Variants in EIF4G3 observed in about 807,000 individuals in gnomAD.
EIF4G3 encodes the protein eukaryotic translation initiation factor 4 gamma 3.
A neutral mutation model predicts 186.4 loss-of-function variants in EIF4G3; 34 were observed. The observed-to-expected ratio is 0.18, with a 90% CI of 0.14 to 0.24. EIF4G3 has a LOEUF of 0.24. Ranked by LOEUF, EIF4G3 falls within the 10% of genes least tolerant of loss-of-function variation. The pLI is 1.00. For synonymous variants in EIF4G3, 673 were observed against 679.5 expected, an observed-to-expected ratio of 0.99 and a Z score of 0.15; for missense variants, 1,536 against 1,948.5, an observed-to-expected ratio of 0.79 and a Z score of 3.99.
chr1:21,035,649 G>C (rs2093132870), intron 4 of EIF4G3, among the ~76,000 whole-genome samples: 1 of 152,268 alleles, frequency 6.6e-6, no homozygotes, highest in East Asian at 1.9e-4. Flanking sequence ...AAAGACCACA[G>C]GAGAGTGGCC....
intron 2 of EIF4G3, among the ~76,000 whole-genome samples, chr1:21,147,051 A>G (rs1481743686): frequency 6.6e-6 from 1 of 151,984 alleles, no homozygotes; most frequent in African/African-American, 2.4e-5. Flanking sequence ...TCACGAGGTC[A>G]GGAGTTCAAG....
At chr1:21,106,066 CTTT>C (rs1048552858) in intron 2 of EIF4G3, among the ~76,000 whole-genome samples, 3 of 132,314 alleles carry the variant, frequency 2.3e-5, no homozygotes, top group African/African-American at 2.8e-5. Flanking sequence ...GACCCTGTCT[CTTT>C]TTTTTTTTTT....
chr1:21,075,570 C>CAAAAAAAAAAAAAAAAA lies in EIF4G3; in HGVS notation c.-196+13551_-196+13567dup, dbSNP rs55649192. The stretch of plus-strand genomic sequence containing the variant: ...GGCAACAGAGTGAGACTCCAACTCA[C>CAAAAAAAAAAAAAAAAA]AAAAAAAAAAAAAAAAAAAAAAAAA... On this transcript the variant is annotated intron_variant, in intron 3 of 36. Coordinates refer to ENST00000602326, the MANE Select transcript of EIF4G3 (RefSeq NM_001391906.1). Among the ~76,000 whole-genome samples the CAAAAAAAAAAAAAAAAA allele has an allele frequency of 5.0e-4, 26 of 51,554 alleles. 1 individual carries two copies. The highest frequency in any genetic ancestry group is 8.8e-4 in the Admixed American group (3 of 3,422). The allele number at this position is 51,554 out of a possible 152,430, so 33.8% of individuals were successfully genotyped here.
intron 14 of EIF4G3, among the ~76,000 whole-genome samples, chr1:20,908,943 A>C (rs1326130083): frequency 6.6e-6 from 1 of 152,156 alleles, no homozygotes; most frequent in Non-Finnish European, 1.5e-5. Context: ...TGAGGTCAAG[A>C]GTTCGAGACC....
At chr1:20,891,789 C>CAA (rs59789920) in intron 18 of EIF4G3, among the ~76,000 whole-genome samples, 4 of 99,900 alleles carry the variant, frequency 4.0e-5, no homozygotes, top group South Asian at 3.0e-4. Flanking sequence ...CACTCTGTCT[C>CAA]AAAAAAAAAA....
intron 34 of EIF4G3, among the ~76,000 whole-genome samples, chr1:20,816,094 G>T (rs1356581672): frequency 7.5e-6 from 1 of 132,982 alleles, no homozygotes; most frequent in African/African-American, 2.8e-5. Flanking sequence ...GTCCGGAAGG[G>T]AGGTGGGGGG....
intron 2 of EIF4G3, among the ~76,000 whole-genome samples, chr1:21,163,366 A>G (rs1290443490): frequency 6.6e-6 from 1 of 152,220 alleles, no homozygotes; most frequent in South Asian, 2.1e-4. Context: ...TATTTCTGAA[A>G]AAGATCAACA....
intron 2 of EIF4G3, among the ~76,000 whole-genome samples, chr1:21,159,431 TAAAA>T (rs71014164): frequency 1.6e-5 from 2 of 122,510 alleles, no homozygotes; most frequent in Non-Finnish European, 3.4e-5. Context: ...AGCAAGGGTT[TAAAA>T]AAAAAAAAAA....
chr1:21,124,163 C>T (rs992799522), intron 2 of EIF4G3, among the ~76,000 whole-genome samples: 1 of 151,872 alleles, frequency 6.6e-6, no homozygotes, highest in African/African-American at 2.4e-5. Flanking sequence ...TGGTCGTGGG[C>T]GCCTGTAATC....
intron 2 of EIF4G3, among the ~76,000 whole-genome samples, chr1:21,155,824 C>T (rs1370108196): frequency 6.6e-6 from 1 of 152,020 alleles, no homozygotes; most frequent in African/African-American, 2.4e-5. Flanking sequence ...TAATTTTAGA[C>T]TTGTAAAGAA....
At chr1:21,006,821 CAT>C (rs963158262) in intron 4 of EIF4G3, among the ~76,000 whole-genome samples, 4 of 152,138 alleles carry the variant, frequency 2.6e-5, no homozygotes, top group Admixed American at 6.5e-5. Flanking sequence ...AAACCATAGA[CAT>C]GTGAAAAAAT....
At position 21,017,021 on chromosome 1, in the gene EIF4G3, T is replaced by C. The variant is rs78685665; in HGVS notation, c.-66-14213A>G. 7.9e-5 allele frequency among the ~76,000 whole-genome samples: 12 copies of C among 152,220 alleles called. No homozygotes were observed. The East Asian group carries it at 2.3e-3, about 29-fold the overall frequency. On this transcript the variant is annotated intron_variant, in intron 4 of 36. Transcript: ENST00000602326. Reference sequence around the variant, plus strand: ...ATAAATATTTCCACACCCATGTTCATATCAGCATTATTCACAATAGCTAAA... The same window carrying C: ...ATAAATATTTCCACACCCATGTTCACATCAGCATTATTCACAATAGCTAAA...
intron 14 of EIF4G3, among the ~76,000 whole-genome samples, chr1:20,930,191 G>A (rs2095236474): frequency 6.6e-6 from 1 of 152,152 alleles, no homozygotes; most frequent in Non-Finnish European, 1.5e-5. Flanking sequence ...TGATGATGAT[G>A]GCTGCTGCCC....
In EIF4G3 at chr1:20,970,686, G is replaced by A. The variant is rs535198920; in HGVS notation, c.592-1090C>T. 1.8e-4 allele frequency among the ~76,000 whole-genome samples: 27 copies of A among 150,076 alleles called. 2 individuals are homozygous for A. In the South Asian group the frequency reaches 3.8e-3, roughly 21 times the overall value. ...TAAAAAGAGTGAGGCAGATCTGGCC[G>A]GGCGCAGTGGCTCATGCCTGTAATC... On this transcript the variant is annotated intron_variant, in intron 11 of 36. Coordinates refer to ENST00000602326, the MANE Select transcript of EIF4G3 (RefSeq NM_001391906.1).
At chr1:20,829,075 G>T in intron 31 of EIF4G3, 72 bp downstream of exon 31, 1 of 1,532,196 alleles carries the variant, frequency 6.5e-7, no homozygotes, top group Non-Finnish European at 9.0e-7. Flanking sequence ...ACAGTACTAT[G>T]ATAGAGAGCT....
intron 4 of EIF4G3, among the ~76,000 whole-genome samples, chr1:21,035,662 G>T (rs2093133618): frequency 6.6e-6 from 1 of 152,256 alleles, no homozygotes; most frequent in Non-Finnish European, 1.5e-5. Flanking sequence ...GAGTGGCCAA[G>T]ATAGGGCAGG....
At chr1:20,924,913 A>T (rs1478430323) in intron 14 of EIF4G3, among the ~76,000 whole-genome samples, 2 of 152,242 alleles carry the variant, frequency 1.3e-5, no homozygotes, top group Non-Finnish European at 2.9e-5. Context: ...CAAAATTTAT[A>T]ATTAAACTTG....
At chr1:20,985,948 G>A (rs918171462) in intron 7 of EIF4G3, among the ~76,000 whole-genome samples, 12 of 152,026 alleles carry the variant, frequency 7.9e-5, no homozygotes, top group South Asian at 2.1e-4. Context: ...CACTTGTCTC[G>A]TGTCCATCCC....
At chr1:21,032,313 C>T in intron 4 of EIF4G3, among the ~76,000 whole-genome samples, 1 of 152,090 alleles carries the variant, frequency 6.6e-6, no homozygotes, top group African/African-American at 2.4e-5. Flanking sequence ...CTATTCATTC[C>T]TCATGACACT....
Sources: gnomAD v4.1 joint callset for allele counts (sites outside exome capture counted in the v4.1 genomes callset) on GRCh38, gnomAD v4.1.1 for gene constraint, MANE v1.5 for transcripts, NCBI Gene and HGNC (gene_info 2026-07-23, HGNC 2026-07-21) for gene names.